The following CBFA2T3 variants were observed in gnomAD, a reference collection of about 807,000 sequenced individuals.
The protein encoded by CBFA2T3 is CBFA2/RUNX1 partner transcriptional co-repressor 3.
CBFA2T3 carries 31 observed loss-of-function variants against 58.6 expected under a neutral mutation model. The observed-to-expected ratio is 0.53, with a 90% CI of 0.40 to 0.71. The LOEUF is 0.71. Among genes scored for constraint, CBFA2T3 ranks in the 30% least tolerant of loss-of-function variants. CBFA2T3 has a pLI of 0.00. For missense variants in CBFA2T3, 1,076 were observed against 963.1 expected (o/e 1.12, Z -1.55); for synonymous variants, 531 against 421.9 (o/e 1.26, Z -3.17).
At chr16:88,965,851 G>A (rs1972487631) in intron 1 of CBFA2T3, among the ~76,000 whole-genome samples, 2 of 152,200 alleles carry the variant, frequency 1.3e-5, no homozygotes, top group African/African-American at 4.8e-5. Context: ...GTTTTAGGGA[G>A]CTCGCAAACA....
chr16:88,890,160 C>T (rs1319107576), intron 5 of CBFA2T3, among the ~76,000 whole-genome samples: 2 of 152,196 alleles, frequency 1.3e-5, no homozygotes, highest in African/African-American at 4.8e-5. Flanking sequence ...TCCCTGTAGT[C>T]CCCGCTACCT....
At chr16:88,895,932 G>C (rs1255817584) in intron 3 of CBFA2T3, among the ~76,000 whole-genome samples, 1 of 152,186 alleles carries the variant, frequency 6.6e-6, no homozygotes, top group Non-Finnish European at 1.5e-5. Flanking sequence ...CCATCCTGGA[G>C]TTCCAAGTGG....
intron 3 of CBFA2T3, among the ~76,000 whole-genome samples, chr16:88,895,523 G>A (rs1969850471): frequency 1.3e-5 from 2 of 152,124 alleles, no homozygotes; most frequent in Admixed American, 1.3e-4. Flanking sequence ...ATTGCCTCCC[G>A]TCCCCGGCAG....
intron 7 of CBFA2T3, 123 bp downstream of exon 7, chr16:88,884,923 C>T: frequency 1.4e-6 from 1 of 693,514 alleles, no homozygotes; most frequent in Non-Finnish European, 2.3e-6. Flanking sequence ...GGGAAGGGGT[C>T]TCCCGAGCTC....
At chr16:88,890,730 G>A (rs202069553) in intron 5 of CBFA2T3, among the ~76,000 whole-genome samples, 10 of 139,334 alleles carry the variant, frequency 7.2e-5, no homozygotes, top group African/African-American at 1.4e-4. Context: ...TCATTCATTC[G>A]TTCAGAGACA....
chr16:88,900,645 G>A (rs7205064), intron 2 of CBFA2T3, among the ~76,000 whole-genome samples: 6,864 of 152,250 alleles, frequency 0.045, 226 homozygotes, highest in African/African-American at 0.09. Flanking sequence ...TCTGGCCGCT[G>A]CATGTGGAGG....
chr16:88,889,376 GA>G (rs1192676412), intron 5 of CBFA2T3, among the ~76,000 whole-genome samples: 1 of 131,632 alleles, frequency 7.6e-6, no homozygotes, highest in Non-Finnish European at 1.6e-5. Context: ...CGGAGGGAGG[GA>G]GGGCAGGAAA....
rs532037425 is a variant in CBFA2T3 at position 88,885,412 on chromosome 16, C to T, written c.894-143G>A. 30 of 562,878 alleles carry T rather than the reference C, an allele frequency of 5.3e-5. No homozygotes were observed. In the South Asian group the frequency reaches 8.5e-4, roughly 16 times the overall value. 34.9% of individuals were successfully genotyped at this position (562,878 alleles called of 1,614,324 possible). On this transcript the variant is annotated intron_variant, in intron 6 of 11. Coordinates refer to ENST00000268679, the MANE Select transcript of CBFA2T3 (RefSeq NM_005187.6). This position sits in a 1 kb window ranked among gnomAD's most constrained non-coding sequence, Gnocchi z 5.3. ...GAGACAGAAACACGGAGCAAAACACCAGCCCCGGGAAGCCCAGCCCGGCGC... is the reference window on the plus strand; with the variant it reads ...GAGACAGAAACACGGAGCAAAACACTAGCCCCGGGAAGCCCAGCCCGGCGC...
intron 5 of CBFA2T3, among the ~76,000 whole-genome samples, chr16:88,891,367 A>C (rs72815503): frequency 0.24 from 36,781 of 152,004 alleles, 4,786 homozygotes; most frequent in East Asian, 0.47. Context: ...CACGCCTCCA[A>C]GCAAAGGACT....
intron 3 of CBFA2T3, among the ~76,000 whole-genome samples, chr16:88,896,993 C>T (rs538466903): frequency 1.3e-5 from 2 of 152,348 alleles, no homozygotes; most frequent in Non-Finnish European, 2.9e-5. Context: ...TAAGTTAGAC[C>T]GCACACGTGT....
At chr16:88,889,103 A>T (rs1415812936) in intron 5 of CBFA2T3, among the ~76,000 whole-genome samples, 1 of 151,494 alleles carries the variant, frequency 6.6e-6, no homozygotes, top group Non-Finnish European at 1.5e-5. Flanking sequence ...AAGCAGGCGC[A>T]CTGTGTCCCC....
At chr16:88,925,745 G>A (rs553520479) in intron 1 of CBFA2T3, among the ~76,000 whole-genome samples, 312 of 152,328 alleles carry the variant, frequency 2.0e-3, no homozygotes, top group African/African-American at 6.9e-3. Flanking sequence ...GCCCCTGCGT[G>A]TGTGGAGATG....
At chr16:88,899,472 A>T (rs1370823663) in intron 2 of CBFA2T3, among the ~76,000 whole-genome samples, 2 of 152,174 alleles carry the variant, frequency 1.3e-5, no homozygotes, top group African/African-American at 2.4e-5. Flanking sequence ...TCCTTAAACC[A>T]GCTGGGACCT....
intron 1 of CBFA2T3, among the ~76,000 whole-genome samples, chr16:88,942,636 G>A (rs1971781750): frequency 6.6e-6 from 1 of 152,186 alleles, no homozygotes; most frequent in Non-Finnish European, 1.5e-5. Flanking sequence ...GCAGCCCCTG[G>A]GCAGCGGTCT....
chr16:88,917,892 G>C (rs1472907074), intron 1 of CBFA2T3, among the ~76,000 whole-genome samples: 2 of 152,212 alleles, frequency 1.3e-5, no homozygotes, highest in African/African-American at 4.8e-5. Context: ...ACGAGAGTGT[G>C]GGGTCACAAT....
intron 2 of CBFA2T3, among the ~76,000 whole-genome samples, chr16:88,898,580 T>C (rs1259382586): frequency 6.6e-6 from 1 of 152,206 alleles, no homozygotes; most frequent in African/African-American, 2.4e-5. Flanking sequence ...GTTTTCATCG[T>C]CCTCTTCCCA....
intron 5 of CBFA2T3, among the ~76,000 whole-genome samples, chr16:88,891,206 A>G (rs1028503639): frequency 6.6e-6 from 1 of 151,638 alleles, no homozygotes; most frequent in Admixed American, 6.6e-5. Context: ...CACCCCACGT[A>G]TTCTGTTCCA....
At chr16:88,949,827 A>G (rs1045706664) in intron 1 of CBFA2T3, among the ~76,000 whole-genome samples, 39 of 152,120 alleles carry the variant, frequency 2.6e-4, no homozygotes, top group African/African-American at 9.4e-4. Flanking sequence ...CCTGGCCGAC[A>G]TGGCGAAACC....
At chr16:88,904,091 T>C (rs1480854409) in intron 1 of CBFA2T3, among the ~76,000 whole-genome samples, 3 of 152,142 alleles carry the variant, frequency 2.0e-5, no homozygotes, top group Non-Finnish European at 4.4e-5. Context: ...CAAGGGCTCA[T>C]GGCCACCACC....
Sources: allele counts gnomAD v4.1 joint callset (sites outside exome capture counted in the v4.1 genomes callset), GRCh38; gene constraint gnomAD v4.1.1; non-coding constraint Gnocchi (gnomAD v3.1); transcripts MANE v1.5; gene names NCBI Gene and HGNC (gene_info 2026-07-23, HGNC 2026-07-21).